The following MON1A variants were observed in gnomAD, a reference collection of about 807,000 sequenced individuals.
MON1A encodes the protein MON1 vesicular trafficking associated A, also known as vacuolar fusion protein MON1 homolog A.
Under a neutral mutation model 44.6 loss-of-function variants are expected in MON1A, and 29 were observed. That is an observed-to-expected ratio of 0.65 (90% CI 0.48 to 0.89). The LOEUF (loss-of-function observed/expected upper bound fraction) is 0.89, where lower values mean the gene tolerates loss of function less well. MON1A is among the 40% of genes least tolerant of loss of function. The pLI is 0.00. For synonymous variants in MON1A, 275 were observed against 316.4 expected (o/e 0.87, Z 1.39); for missense variants, 615 against 759.6 (o/e 0.81, Z 2.24).
chr3:49,913,502 CAAA>C, intron 1 of MON1A, 143 bp from the exon 2 acceptor site: 1 of 725,786 alleles, frequency 1.4e-6, no homozygotes, highest in East Asian at 2.7e-5. Flanking sequence ...GAATTCCTTT[CAAA>C]AAAATATATA....
At chr3:49,927,115 A>G (rs1040113871) in intron 1 of MON1A, among the ~76,000 whole-genome samples, 6 of 152,284 alleles carry the variant, frequency 3.9e-5, no homozygotes, top group Admixed American at 3.9e-4. Context: ...ATTAAAAAAG[A>G]AAAATGGAAG....
Position 49,911,999 on chromosome 3 carries a change from T to A in MON1A, c.140A>T (p.Glu47Val), listed in dbSNP as rs1471773840. 1.9e-6 allele frequency: 3 copies of A among 1,581,086 alleles called. No homozygotes were observed. The highest frequency in any genetic ancestry group is 4.5e-5 in the East Asian group (2 of 44,548). Residue 47 changes from glutamate (E) to valine (V), a missense_variant, in exon 3 of 6, where the codon GAG becomes GTG. Glu to Val is a moderately radical substitution (Grantham distance 121, BLOSUM62 -2). Coordinates refer to ENST00000296473, the MANE Select transcript of MON1A (RefSeq NM_032355.4). The surrounding 1 kb of genome is among the most constrained non-coding windows in gnomAD (Gnocchi z 5.7). ...AQGMEPGAGQ[E>V]GAMFVHARSY... is the part of the protein sequence containing the mutation. ...ACGGGCATGGACGAACATGGCACCC[T>A]CCTGGCCCGCACCTGCAGGCCAAAA...
intron 1 of MON1A, among the ~76,000 whole-genome samples, chr3:49,923,197 C>T (rs1257902447): frequency 2.6e-5 from 4 of 151,098 alleles, no homozygotes; most frequent in South Asian, 2.1e-4. Flanking sequence ...AAAAATTAGC[C>T]GGGTGTGGTG....
chr3:49,927,031 G>A (rs746721743), intron 1 of MON1A, among the ~76,000 whole-genome samples: 2 of 152,050 alleles, frequency 1.3e-5, no homozygotes, highest in Non-Finnish European at 1.5e-5. Context: ...CACCGGCCTC[G>A]GCCTCCCAAA....
chr3:49,910,014 G>T lies in MON1A; in HGVS notation c.1379+105C>A. ...CCAGCACACTGGTCTGCTTCCAAAG[G>T]TAGGGACAGCTTCAGGGCTACATCT... On this transcript the variant is annotated intron_variant, in intron 4 of 5. Transcript: ENST00000296473. This position sits in a 1 kb window ranked among gnomAD's most constrained non-coding sequence, Gnocchi z 8.0. The T allele has an allele frequency of 7.6e-7, 1 of 1,319,600 alleles. No homozygotes were observed. Among genetic ancestry groups the T allele is most frequent in the Non-Finnish European group, 1.0e-6 (1 of 958,452 alleles). 81.7% of individuals were successfully genotyped at this position (1,319,600 alleles called of 1,614,324 possible).
At chr3:49,918,974 G>C (rs2082972440) in intron 1 of MON1A, among the ~76,000 whole-genome samples, 1 of 152,132 alleles carries the variant, frequency 6.6e-6, no homozygotes. Context: ...TTGAGCCTAG[G>C]AGTTTGAGAC....
At chr3:49,925,578 C>T (rs1278295932) in intron 1 of MON1A, among the ~76,000 whole-genome samples, 1 of 151,958 alleles carries the variant, frequency 6.6e-6, no homozygotes, top group Non-Finnish European at 1.5e-5. Context: ...CCTGTCTCTA[C>T]AAAATAAAAA....
chr3:49,910,040 CAG>C lies in MON1A; in HGVS notation c.1379+77_1379+78del. 6.8e-7 allele frequency: 1 copy of C among 1,471,304 alleles called. No individual in the cohort carries two copies. The highest frequency in any genetic ancestry group is 2.3e-5 in the East Asian group (1 of 43,814). 91.1% of individuals were successfully genotyped at this position (1,471,304 alleles called of 1,614,324 possible). On this transcript the variant is annotated intron_variant, in intron 4 of 5. Transcript: ENST00000296473. This position sits in a 1 kb window ranked among gnomAD's most constrained non-coding sequence, Gnocchi z 8.0. ...TAGGGACAGCTTCAGGGCTACATCT[CAG>C]AGCTCAGGACCAAACAGCCTCCCGA...
Position 49,910,031 on chromosome 3 carries a change from G to GA in MON1A, c.1379+87_1379+88insT. 1 of 1,424,656 alleles carries GA rather than the reference G, an allele frequency of 7.0e-7. No homozygotes were observed. Among genetic ancestry groups the GA allele is most frequent in the Non-Finnish European group, 9.5e-7 (1 of 1,052,956 alleles). The allele number at this position is 1,424,656 out of a possible 1,614,324, so 88.3% of individuals were successfully genotyped here. A position where few individuals can be genotyped will look rare whatever the true frequency, so the allele number is the denominator to read the frequency against. On this transcript the variant is annotated intron_variant, in intron 4 of 5. Coordinates refer to ENST00000296473, the MANE Select transcript of MON1A (RefSeq NM_032355.4). This position sits in a 1 kb window ranked among gnomAD's most constrained non-coding sequence, Gnocchi z 8.0. ...TTCCAAAGGTAGGGACAGCTTCAGG[G>GA]CTACATCTCAGAGCTCAGGACCAAA... is the stretch of plus-strand genomic sequence containing the variant.
At position 49,911,637 on chromosome 3, in the gene MON1A, C is replaced by T; in HGVS notation, c.502G>A (p.Val168Met). The T allele has an allele frequency of 1.2e-6, 2 of 1,614,188 alleles. No homozygotes were observed. Among genetic ancestry groups the T allele is most frequent in the Non-Finnish European group, 1.7e-6 (2 of 1,180,000 alleles). Residue 168 changes from valine to methionine, a missense_variant, in exon 3 of 6, where the codon GTG (valine) becomes ATG (methionine). Coordinates refer to ENST00000296473, the MANE Select transcript of MON1A (RefSeq NM_032355.4). This position sits in a 1 kb window ranked among gnomAD's most constrained non-coding sequence, Gnocchi z 5.7. ...VFVLSEAGKP[V>M]YSRYGSEEAL... The stretch of plus-strand genomic sequence containing the variant: ...TCCTCAGACCCATAGCGGGAGTACA[C>T]AGGCTTCCCTGCCTCACTCAGCACA...
At chr3:49,913,125 T>G in intron 2 of MON1A, 95 bp downstream of exon 2, 2 of 1,526,204 alleles carry the variant, frequency 1.3e-6, no homozygotes, top group Non-Finnish European at 1.8e-6. Flanking sequence ...GACAAATGCA[T>G]GAATAAGTGG....
chr3:49,929,594 T>TA lies in MON1A; in HGVS notation c.-14+14_-14+15insT. On this transcript the variant is annotated intron_variant, in intron 1 of 5. Transcript: ENST00000296473. ...CTAGGTGCCTCCAGGCCACGTGGGCTGGCAGTCAACTCACCTGTTTCTCAG... is the reference window on the plus strand; with the variant it reads ...CTAGGTGCCTCCAGGCCACGTGGGCTAGGCAGTCAACTCACCTGTTTCTCAG... The TA allele has an allele frequency of 6.4e-7, 1 of 1,551,482 alleles. No homozygotes were observed. The highest frequency in any genetic ancestry group is 1.4e-5 in the African/African-American group (1 of 73,180).
intron 1 of MON1A, among the ~76,000 whole-genome samples, chr3:49,922,686 A>G (rs2083011786): frequency 1.3e-5 from 2 of 151,720 alleles, no homozygotes; most frequent in African/African-American, 4.8e-5. Context: ...GAAAGAACGA[A>G]AGAAAAAAAG....
At chr3:49,923,357 G>A (rs1368295560) in intron 1 of MON1A, among the ~76,000 whole-genome samples, 1 of 141,710 alleles carries the variant, frequency 7.1e-6, no homozygotes, top group Non-Finnish European at 1.5e-5. Flanking sequence ...AGGGAGGGAG[G>A]GAAGGGAGGA....
chr3:49,929,409 A>C, intron 1 of MON1A, 200 bp downstream of exon 1: 7 of 662,136 alleles, frequency 1.1e-5, no homozygotes, highest in Non-Finnish European at 1.8e-5. Context: ...TCCCAGCCAA[A>C]GGATGGGTTC....
At chr3:49,923,438 AGGAAG>A (rs2083022347) in intron 1 of MON1A, among the ~76,000 whole-genome samples, 1 of 150,410 alleles carries the variant, frequency 6.6e-6, no homozygotes, top group African/African-American at 2.5e-5. Context: ...AAAGAAAGAA[AGGAAG>A]GGAAGAACGA....
intron 1 of MON1A, among the ~76,000 whole-genome samples, chr3:49,919,491 AT>A: frequency 6.6e-6 from 1 of 151,874 alleles, no homozygotes; most frequent in East Asian, 1.9e-4. Flanking sequence ...ATCTTTTTTT[AT>A]TTTTTGAGAC....
chr3:49,909,456 C>G lies in MON1A; in HGVS notation c.1380-56G>C. On this transcript the variant is annotated intron_variant, in intron 4 of 5. Transcript: ENST00000296473. The surrounding 1 kb of genome is among the most constrained non-coding windows in gnomAD (Gnocchi z 4.0). ...AAAGGAATGACTTCCACTGTCTTCT[C>G]TAGAGATTTAGAAACACCTATTCCT... 1 of 1,603,474 alleles carries G rather than the reference C, an allele frequency of 6.2e-7. No individual in the cohort carries two copies.
At chr3:49,919,604 C>T (rs1430119900) in intron 1 of MON1A, among the ~76,000 whole-genome samples, 8 of 152,140 alleles carry the variant, frequency 5.3e-5, no homozygotes, top group Admixed American at 2.6e-4. Flanking sequence ...CTCAGCCTCC[C>T]GAGCAGCTGG....
Sources: allele counts gnomAD v4.1 joint callset (sites outside exome capture counted in the v4.1 genomes callset), GRCh38; gene constraint gnomAD v4.1.1; non-coding constraint Gnocchi (gnomAD v3.1); transcripts MANE v1.5; gene names NCBI Gene and HGNC (gene_info 2026-07-23, HGNC 2026-07-21).